Variants in PSD3 observed in about 807,000 individuals in gnomAD.
PSD3 encodes pleckstrin and Sec7 domain containing 3.
A neutral mutation model predicts 105.5 loss-of-function variants in PSD3; 49 were observed. That is an observed-to-expected ratio of 0.46 (90% CI 0.37 to 0.59). The LOEUF (loss-of-function observed/expected upper bound fraction) is 0.59, where lower values mean the gene tolerates loss of function less well. PSD3 is among the 20% of genes least tolerant of loss of function. The pLI is 0.00. For missense variants in PSD3, 1,561 were observed against 1,263.8 expected (o/e 1.24, Z -3.57); for synonymous variants, 557 against 457.8 (o/e 1.22, Z -2.77).
intron 1 of PSD3, among the ~76,000 whole-genome samples, chr8:18,977,197 T>G (rs532647792): frequency 1.3e-5 from 2 of 148,576 alleles, no homozygotes; most frequent in South Asian, 4.3e-4. Flanking sequence ...AAGGCGGAGG[T>G]TGCAGTGAGC....
chr8:19,033,326 G>T (rs1363606990), intron 1 of PSD3, among the ~76,000 whole-genome samples: 1 of 151,976 alleles, frequency 6.6e-6, no homozygotes, highest in Non-Finnish European at 1.5e-5. Flanking sequence ...CGCCTCTACT[G>T]TTATAGTTCC....
intron 15 of PSD3, among the ~76,000 whole-genome samples, chr8:18,551,940 A>G (rs1800794919): frequency 6.6e-6 from 1 of 152,244 alleles, no homozygotes; most frequent in Admixed American, 6.5e-5. Flanking sequence ...TTCAGGGACC[A>G]GAGCAATGAC....
intron 1 of PSD3, among the ~76,000 whole-genome samples, chr8:19,041,388 T>TCGGAA (rs1413366710): frequency 6.6e-6 from 1 of 152,174 alleles, no homozygotes; most frequent in Non-Finnish European, 1.5e-5. Context: ...ATATGTGTAG[T>TCGGAA]CAGAATTCCT....
At chr8:19,024,059 T>C (rs1324990704) in intron 1 of PSD3, among the ~76,000 whole-genome samples, 2 of 152,224 alleles carry the variant, frequency 1.3e-5, no homozygotes, top group Non-Finnish European at 2.9e-5. Context: ...AAATGCTTTA[T>C]TATCAAAATA....
intron 9 of PSD3, among the ~76,000 whole-genome samples, chr8:18,702,467 G>T (rs1801639459): frequency 1.3e-5 from 2 of 152,042 alleles, no homozygotes; most frequent in Non-Finnish European, 2.9e-5. Context: ...GTACTTTAGG[G>T]GTATGTGTGT....
chr8:18,731,618 A>C (rs1329486162), intron 9 of PSD3, among the ~76,000 whole-genome samples: 1 of 152,220 alleles, frequency 6.6e-6, no homozygotes, highest in Non-Finnish European at 1.5e-5. Context: ...AAATGAGAAA[A>C]ATACTACCTT....
At chr8:18,550,806 T>G (rs1261971772) in intron 15 of PSD3, among the ~76,000 whole-genome samples, 2 of 152,080 alleles carry the variant, frequency 1.3e-5, no homozygotes, top group Admixed American at 1.3e-4. Context: ...AAAAGAAAAG[T>G]CTTCAATTTC....
At chr8:18,700,635 A>C (rs1336467071) in intron 9 of PSD3, among the ~76,000 whole-genome samples, 1 of 152,198 alleles carries the variant, frequency 6.6e-6, no homozygotes, top group Non-Finnish European at 1.5e-5. Flanking sequence ...AAGCCTCGAG[A>C]CCTCTCAACT....
At chr8:18,786,046 C>G (rs561241312) in intron 8 of PSD3, among the ~76,000 whole-genome samples, 1 of 152,058 alleles carries the variant, frequency 6.6e-6, no homozygotes, top group East Asian at 1.9e-4. Context: ...AAATGAGATA[C>G]GCCTATACTT....
intron 1 of PSD3, among the ~76,000 whole-genome samples, chr8:19,060,068 C>T (rs763837861): frequency 1.3e-5 from 2 of 152,184 alleles, no homozygotes; most frequent in East Asian, 3.9e-4. Context: ...GCTTTTATGT[C>T]GTATTATGTA....
rs115556254 is a variant in PSD3 at position 18,587,289 on chromosome 8, C to T, written c.2482-12004G>A. Among the ~76,000 whole-genome samples the T allele has an allele frequency of 5.6e-3, 858 of 152,184 alleles. 6 individuals are homozygous for T. Among genetic ancestry groups the T allele is most frequent in the African/African-American group, 0.02 (834 of 41,522 alleles). ...TTGAGTACCTGAGTATAGGTGGCAG[C>T]GGCAATGACCTCTCACTCAAAGAGC... On this transcript the variant is annotated intron_variant, in intron 12 of 15. Coordinates refer to ENST00000327040, the MANE Select transcript of PSD3 (RefSeq NM_015310.4).
At chr8:18,899,282 C>G (rs1041851477) in intron 2 of PSD3, among the ~76,000 whole-genome samples, 1 of 152,026 alleles carries the variant, frequency 6.6e-6, no homozygotes, top group South Asian at 2.1e-4. Flanking sequence ...CCCCTCATAC[C>G]TTTTTTCCCA....
chr8:19,025,216 C>T (rs897116266), intron 1 of PSD3, among the ~76,000 whole-genome samples: 5 of 152,208 alleles, frequency 3.3e-5, no homozygotes, highest in Non-Finnish European at 7.3e-5. Context: ...CACACACCCA[C>T]TAGTGCCATA....
chr8:18,619,003 T>C (rs1805909579), intron 11 of PSD3, among the ~76,000 whole-genome samples: 1 of 152,184 alleles, frequency 6.6e-6, no homozygotes, highest in Non-Finnish European at 1.5e-5. Flanking sequence ...CCTCTATCTC[T>C]ACTCCTCCTC....
intron 14 of PSD3, among the ~76,000 whole-genome samples, chr8:18,572,027 T>C (rs564948143): frequency 5.2e-4 from 79 of 152,234 alleles, no homozygotes; most frequent in Non-Finnish European, 5.6e-4. Flanking sequence ...GTATACTTTA[T>C]CTTCATTAGC....
intron 11 of PSD3, among the ~76,000 whole-genome samples, chr8:18,607,495 GT>G (rs1215977897): frequency 6.6e-6 from 1 of 152,000 alleles, no homozygotes; most frequent in African/African-American, 2.4e-5. Context: ...GGCAGCACTT[GT>G]TTCTCCATAG....
At chr8:18,735,536 G>C (rs1804089566) in intron 9 of PSD3, among the ~76,000 whole-genome samples, 2 of 152,022 alleles carry the variant, frequency 1.3e-5, no homozygotes, top group Non-Finnish European at 2.9e-5. Flanking sequence ...ACATATTTAA[G>C]GCTGTAGTAG....
chr8:18,645,362 C>G (rs1232731390), intron 10 of PSD3, among the ~76,000 whole-genome samples: 1 of 152,160 alleles, frequency 6.6e-6, no homozygotes, highest in East Asian at 1.9e-4. Context: ...GTAGAAAACT[C>G]TAATAATCAA....
At chr8:18,900,743 C>T (rs780272468) in intron 2 of PSD3, among the ~76,000 whole-genome samples, 2 of 143,760 alleles carry the variant, frequency 1.4e-5, no homozygotes, top group Non-Finnish European at 3.0e-5. Context: ...GGGCTCAAGA[C>T]ATCCTGACAC....
Sources: gnomAD v4.1 joint callset for allele counts (sites outside exome capture counted in the v4.1 genomes callset) on GRCh38, gnomAD v4.1.1 for gene constraint, MANE v1.5 for transcripts, NCBI Gene and HGNC (gene_info 2026-07-23, HGNC 2026-07-21) for gene names.